Variants in ANKS3 observed in about 807,000 individuals in gnomAD.
ANKS3 encodes the protein ankyrin repeat and SAM domain-containing protein 3.
In ANKS3, 62 loss-of-function variants were observed where a neutral mutation model predicts 80.7. That is an observed-to-expected ratio of 0.77 (90% CI 0.63 to 0.95). The LOEUF is 0.95. Among genes scored for constraint, ANKS3 ranks in the 40% least tolerant of loss-of-function variants. ANKS3 has a pLI of 0.00. For missense variants in ANKS3, 1,150 were observed against 883.6 expected (o/e 1.30, Z -3.82); for synonymous variants, 489 against 355.3 (o/e 1.38, Z -4.23).
At position 4,732,459 on chromosome 16, in the gene ANKS3, G is replaced by A. The variant is rs115748038; in HGVS notation, c.-70-880C>T. Reference sequence around the variant, plus strand: ...AATGAGAACCAGACCAAGCGTGACGGACCACTTGAGGCCAGGAGTTCGAGA... The same window carrying A: ...AATGAGAACCAGACCAAGCGTGACGAACCACTTGAGGCCAGGAGTTCGAGA... On this transcript the variant is annotated intron_variant, in intron 1 of 17. Coordinates refer to ENST00000304283, the MANE Select transcript of ANKS3 (RefSeq NM_133450.4). Among the ~76,000 whole-genome samples, 1,084 of 152,218 alleles carry A rather than the reference G, an allele frequency of 7.1e-3. 17 individuals carry two copies. Among genetic ancestry groups the A allele is most frequent in the African/African-American group, 0.025 (1,021 of 41,532 alleles).
rs1304466003 is a variant in ANKS3, at chr16:4,701,559, C to T, written c.1010-16G>A. 1.3e-5 allele frequency: 20 copies of T among 1,599,652 alleles called. No individual in the cohort carries two copies. In the African/African-American group the frequency reaches 1.6e-4, roughly 13 times the overall value. On this transcript the variant is annotated splice_polypyrimidine_tract_variant and intron_variant, in intron 9 of 17. Transcript: ENST00000304283. Reference sequence around the variant, plus strand: ...GCATGTTCCTCTGAGGGCGGGAAGACAGGGCGTCCGCCTGCAGCCCTCACC... The same window carrying T: ...GCATGTTCCTCTGAGGGCGGGAAGATAGGGCGTCCGCCTGCAGCCCTCACC...
At position 4,698,784 on chromosome 16, in the gene ANKS3, C is replaced by T. The variant is rs1170576686; in HGVS notation, c.1551+16G>A. ...GGGTGTCACCCTGCCCCCCCATCCC[C>T]CACCCAGCCACTCACCTTGTGCAGC... On this transcript the variant is annotated intron_variant, in intron 13 of 17. Coordinates refer to ENST00000304283, the MANE Select transcript of ANKS3 (RefSeq NM_133450.4). 3.1e-6 allele frequency: 5 copies of T among 1,594,962 alleles called. No homozygotes were observed. Among genetic ancestry groups the T allele is most frequent in the Non-Finnish European group, 3.4e-6 (4 of 1,171,518 alleles).
intron 3 of ANKS3, 94 bp from the exon 4 acceptor site, chr16:4,727,271 T>G (rs371515860): frequency 7.5e-7 from 1 of 1,329,028 alleles, no homozygotes; most frequent in Admixed American, 1.9e-5. Context: ...CGGGATGAGT[T>G]GACAGGAAGC....
rs549570870 is a variant in ANKS3 at position 4,733,121 on chromosome 16, C to CA, written c.-71+816dup. The stretch of plus-strand genomic sequence containing the variant: ...GGAGGGTGGGGATGCTTAATGGATA[C>CA]AAAAAAAACAGAATGAATAAGATCT... On this transcript the variant is annotated intron_variant, in intron 1 of 17. Coordinates refer to ENST00000304283, the MANE Select transcript of ANKS3 (RefSeq NM_133450.4). Among the ~76,000 whole-genome samples, 422 of 114,596 alleles carry CA rather than the reference C, an allele frequency of 3.7e-3. 2 individuals are homozygous for CA. Among genetic ancestry groups the CA allele is most frequent in the Non-Finnish European group, 5.5e-3 (333 of 60,468 alleles). 75.2% of individuals were successfully genotyped at this position (114,596 alleles called of 152,430 possible).
At position 4,708,198 on chromosome 16, in the gene ANKS3, ACT is replaced by A. The variant is rs1167226461; in HGVS notation, c.710-2947_710-2946del. 5.3e-5 allele frequency among the ~76,000 whole-genome samples: 8 copies of A among 152,146 alleles called. No homozygotes were observed. In the South Asian group the frequency reaches 1.0e-3, roughly 20 times the overall value. On this transcript the variant is annotated intron_variant, in intron 7 of 17. Coordinates refer to ENST00000304283, the MANE Select transcript of ANKS3 (RefSeq NM_133450.4). ...TTATGTAAATGTAAGAATTATAAAC[ACT>A]CTCTGATCAGACACATTAAAGTTAA...
chr16:4,700,503 G>A lies in ANKS3; in HGVS notation c.1284+467C>T, dbSNP rs2079840240. ...TGCCCACACAGGGTAGGAGAACTCAGCAGACACAGGTGAGACAGCTGAGCT... is the reference window on the plus strand; with the variant it reads ...TGCCCACACAGGGTAGGAGAACTCAACAGACACAGGTGAGACAGCTGAGCT... On this transcript the variant is annotated intron_variant, in intron 11 of 17. Transcript: ENST00000304283. 3.2e-5 allele frequency: 10 copies of A among 312,118 alleles called. 1 individual carries two copies. Among genetic ancestry groups the A allele is most frequent in the South Asian group, 2.7e-4 (10 of 37,218 alleles). The allele number at this position is 312,118 out of a possible 1,614,324, so 19.3% of individuals were successfully genotyped here. A position where few individuals can be genotyped will look rare whatever the true frequency, so the allele number is the denominator to read the frequency against.
At position 4,724,791 on chromosome 16, in the gene ANKS3, C is replaced by G; in HGVS notation, c.532G>C (p.Ala178Pro). Reference sequence around the variant, plus strand: ...TGCACGATTATCTCATGGCCAGCAGCAGCTGCTTCCATCAAGGGAGTAAAT... The same window carrying G: ...TGCACGATTATCTCATGGCCAGCAGGAGCTGCTTCCATCAAGGGAGTAAAT... Reference protein sequence around the residue: ...CGFTPLMEAAAAGHEIIVQYF... With the variant: ...CGFTPLMEAAPAGHEIIVQYF... Residue 178 changes from alanine to proline, a missense_variant, in exon 6 of 18, where the codon GCT (alanine) becomes CCT (proline). Ala to Pro is a conservative substitution (Grantham distance 27). Coordinates refer to ENST00000304283, the MANE Select transcript of ANKS3 (RefSeq NM_133450.4). 3 of 1,614,144 alleles carry G rather than the reference C, an allele frequency of 1.9e-6. No homozygotes were observed. Among genetic ancestry groups the G allele is most frequent in the Non-Finnish European group, 1.7e-6 (2 of 1,180,016 alleles).
chr16:4,724,647 G>T, intron 6 of ANKS3, 103 bp downstream of exon 6: 1 of 1,144,676 alleles, frequency 8.7e-7, no homozygotes. Context: ...ATGAATGAAA[G>T]TTATTTCTGT....
Position 4,733,963 on chromosome 16 carries a change from C to A in ANKS3, c.-96G>T. On this transcript the variant is annotated 5_prime_UTR_variant, in exon 1 of 18. Coordinates refer to ENST00000304283, the MANE Select transcript of ANKS3 (RefSeq NM_133450.4). ...AGCAGTGACGCTTCCCGACGCCCCC[C>A]GGCCACATCCCCACAGGAACGCTAC... 1 of 985,540 alleles carries A rather than the reference C, an allele frequency of 1.0e-6. No homozygotes were observed. Among genetic ancestry groups the A allele is most frequent in the Non-Finnish European group, 1.2e-6 (1 of 830,004 alleles). 61.0% of individuals were successfully genotyped at this position (985,540 alleles called of 1,614,324 possible). A position where few individuals can be genotyped will look rare whatever the true frequency, so the allele number is the denominator to read the frequency against.
At position 4,724,763 on chromosome 16, in the gene ANKS3, T is replaced by C. The variant is rs749047054; in HGVS notation, c.560A>G (p.Tyr187Cys). The change falls in exon 6 of 18, where the codon TAT becomes TGT. Residue 187 changes from tyrosine to cysteine, a missense_variant. Coordinates refer to ENST00000304283, the MANE Select transcript of ANKS3 (RefSeq NM_133450.4). ...AAAGHEIIVQ[Y>C]FLNHGVKVDA... ...AGGGTCACTTACGTGATTCAGAAAA[T>C]ACTGCACGATTATCTCATGGCCAGC... is the stretch of plus-strand genomic sequence containing the variant. 13 of 1,613,242 alleles carry C rather than the reference T, an allele frequency of 8.1e-6. No individual in the cohort carries two copies. Among genetic ancestry groups the C allele is most frequent in the Admixed American group, 1.7e-5 (1 of 59,836 alleles).
Position 4,699,174 on chromosome 16 carries a change from G to A in ANKS3, c.1287C>T (p.Asp429=), listed in dbSNP as rs761046094. 2 of 1,613,988 alleles carry A rather than the reference G, an allele frequency of 1.2e-6. No individual in the cohort carries two copies. The highest frequency in any genetic ancestry group is 8.5e-7 in the Non-Finnish European group (1 of 1,180,006). The change falls in exon 12 of 18, where the codon GAC becomes GAT. Residue 429 remains aspartate (D), a splice_region_variant and synonymous_variant. Coordinates refer to ENST00000304283, the MANE Select transcript of ANKS3 (RefSeq NM_133450.4). ...CGATCTGCTCCAGCAGTGCGGCAAG[G>A]TCCTGGCAGGCACAGGGGACAGGTT... The part of the protein sequence containing the change: ...TQRAPYSGPQ[D]LAALLEQIGC...
chr16:4,730,112 A>G lies in ANKS3; in HGVS notation c.38T>C (p.Leu13Pro). 1 of 1,591,246 alleles carries G rather than the reference A, an allele frequency of 6.3e-7. No homozygotes were observed. Among genetic ancestry groups the G allele is most frequent in the Non-Finnish European group, 8.6e-7 (1 of 1,166,142 alleles). Residue 13 changes from leucine to proline, a missense_variant, in exon 3 of 18, where the codon CTC (leucine) becomes CCC (proline). Transcript: ENST00000304283. ...CCACATGGACAAGCTGCGGTTCAGG[A>G]GTTCCGGCTCGCTGGCTTCATCGCT... ...ELSDEASEPE[L>P]LNRSLSMWHG...
intron 6 of ANKS3, among the ~76,000 whole-genome samples, chr16:4,723,300 G>C (rs1295929796): frequency 6.6e-6 from 1 of 152,138 alleles, no homozygotes; most frequent in African/African-American, 2.4e-5. Context: ...CATTCCCCAA[G>C]ACCCAGGAAA....
At chr16:4,713,951 G>A in intron 7 of ANKS3, 100 bp downstream of exon 7, 1 of 1,492,396 alleles carries the variant, frequency 6.7e-7, no homozygotes, top group Non-Finnish European at 9.0e-7. Flanking sequence ...CTCAGAGAAG[G>A]TGGGAGCCGG....
chr16:4,716,771 C>A (rs2080822296), intron 6 of ANKS3, among the ~76,000 whole-genome samples: 1 of 151,332 alleles, frequency 6.6e-6, no homozygotes, highest in Non-Finnish European at 1.5e-5. Context: ...CAAAAATTAG[C>A]CAGGTGTGGT....
chr16:4,721,304 C>CAA (rs528222353), intron 6 of ANKS3, among the ~76,000 whole-genome samples: 11 of 75,306 alleles, frequency 1.5e-4, no homozygotes, highest in South Asian at 8.8e-4. Context: ...GACGCCATCT[C>CAA]AAAAAAAAAA....
At chr16:4,727,429 G>A (rs780094516) in intron 3 of ANKS3, 1 of 560,212 alleles carries the variant, frequency 1.8e-6, no homozygotes, top group Non-Finnish European at 3.2e-6. Context: ...GGCCAGCTAT[G>A]CTCTTTCACA....
chr16:4,714,999 A>G (rs1306799336), intron 6 of ANKS3, among the ~76,000 whole-genome samples: 1 of 150,526 alleles, frequency 6.6e-6, no homozygotes, highest in Non-Finnish European at 1.5e-5. Flanking sequence ...TCAAAAAAAA[A>G]AAAAAAAAAA....
chr16:4,714,349 G>A (rs927869183), intron 6 of ANKS3, 163 bp from the exon 7 acceptor site: 21 of 1,048,278 alleles, frequency 2.0e-5, no homozygotes, highest in East Asian at 7.6e-5. Flanking sequence ...TGTCTGCACC[G>A]CAGCCACAAG....
Sources: allele counts gnomAD v4.1 joint callset (sites outside exome capture counted in the v4.1 genomes callset), GRCh38; gene constraint gnomAD v4.1.1; transcripts MANE v1.5; gene names NCBI Gene and HGNC (gene_info 2026-07-23, HGNC 2026-07-21).